ELL: variants seen among roughly 807,000 people sequenced by gnomAD.
ELL encodes the protein elongation factor for RNA polymerase II.
Under a neutral mutation model 64.0 loss-of-function variants are expected in ELL, and 18 were observed. That is an observed-to-expected ratio of 0.28 (90% confidence interval 0.19 to 0.42). The LOEUF (loss-of-function observed/expected upper bound fraction) is 0.42, where lower values mean the gene tolerates loss of function less well. Among genes scored for constraint, ELL ranks in the 10% least tolerant of loss-of-function variants. The pLI is 1.00. For synonymous variants in ELL, 399 were observed against 376.2 expected, an observed-to-expected ratio of 1.06 and a Z score of -0.70; for missense variants, 797 against 870.4, an observed-to-expected ratio of 0.92 and a Z score of 1.06.
chr19:18,493,824 ACTC>A (rs1379219147), intron 1 of ELL, among the ~76,000 whole-genome samples: 4 of 151,990 alleles, frequency 2.6e-5, no homozygotes, highest in African/African-American at 9.7e-5. Flanking sequence ...GTCACTGACC[ACTC>A]CTCATAGCTC....
intron 1 of ELL, among the ~76,000 whole-genome samples, chr19:18,473,678 G>T (rs1308160351): frequency 6.6e-6 from 1 of 152,220 alleles, no homozygotes; most frequent in African/African-American, 2.4e-5. Flanking sequence ...CGAGCCAGAG[G>T]AGGACTGCAC....
chr19:18,516,153 T>G (rs1976122781), intron 1 of ELL, among the ~76,000 whole-genome samples: 1 of 151,846 alleles, frequency 6.6e-6, no homozygotes, highest in Non-Finnish European at 1.5e-5. Context: ...CAGGCTGAAG[T>G]AAGGCTCCTC....
At chr19:18,487,254 G>C (rs971070941) in intron 1 of ELL, among the ~76,000 whole-genome samples, 4 of 152,216 alleles carry the variant, frequency 2.6e-5, no homozygotes, top group African/African-American at 9.7e-5. Context: ...AACCACCCCA[G>C]AGAGTAGGGT....
chr19:18,513,025 T>C (rs1201426040), intron 1 of ELL, among the ~76,000 whole-genome samples: 4 of 152,100 alleles, frequency 2.6e-5, no homozygotes, highest in Non-Finnish European at 5.9e-5. Context: ...GTGTTAACAG[T>C]AGGGTATATA....
chr19:18,473,590 T>C lies in ELL; in HGVS notation c.136-708A>G, dbSNP rs563949181. ...CAGTGGAATTTCCAAGGAAAAAATA[T>C]ACAAAAGAGCTCAAAATAAATACTG... On this transcript the variant is annotated intron_variant, in intron 1 of 11. Coordinates refer to ENST00000262809, the MANE Select transcript of ELL (RefSeq NM_006532.4). Among the ~76,000 whole-genome samples the C allele has an allele frequency of 1.2e-3, 179 of 152,240 alleles. 2 individuals carry two copies. The highest frequency in any genetic ancestry group is 4.1e-3 in the African/African-American group (169 of 41,536).
At chr19:18,492,810 G>A (rs552363504) in intron 1 of ELL, among the ~76,000 whole-genome samples, 81 of 152,264 alleles carry the variant, frequency 5.3e-4, no homozygotes, top group African/African-American at 1.9e-3. Flanking sequence ...TGCCCTCTAA[G>A]CGGCATGGCC....
intron 1 of ELL, among the ~76,000 whole-genome samples, chr19:18,485,997 A>G (rs2144948107): frequency 6.6e-6 from 1 of 151,730 alleles, no homozygotes; most frequent in Admixed American, 6.6e-5. Flanking sequence ...AAAAAAAAAA[A>G]AAGAAAGCAA....
Position 18,446,775 on chromosome 19 carries a change from G to T in ELL, c.1505C>A (p.Ser502Tyr). 2 of 1,614,080 alleles carry T rather than the reference G, an allele frequency of 1.2e-6. No individual in the cohort carries two copies. Among genetic ancestry groups the T allele is most frequent in the Non-Finnish European group, 1.7e-6 (2 of 1,180,028 alleles). ...CAAGTAGTCAGGCGTCTCCGACGTG[G>T]ACGTGGGAACACTGGAAACGCTGCA... ...GTCSVSSVPT[S>Y]TSETPDYLLK... The change falls in exon 9 of 12, where the codon TCC becomes TAC. Residue 502 changes from serine (S) to tyrosine (Y), a missense_variant. Physicochemically the swap from Ser to Tyr is moderately radical, Grantham distance 144. Coordinates refer to ENST00000262809, the MANE Select transcript of ELL (RefSeq NM_006532.4).
chr19:18,461,989 C>G (rs572966459), intron 4 of ELL, 137 bp from the exon 5 acceptor site: 17 of 1,185,224 alleles, frequency 1.4e-5, no homozygotes, highest in Non-Finnish European at 2.0e-5. Flanking sequence ...CAGCAAAAGC[C>G]AGCTTGCTCC....
chr19:18,473,138 A>G, intron 1 of ELL: 1 of 675,120 alleles, frequency 1.5e-6, no homozygotes, highest in Non-Finnish European at 2.7e-6. Context: ...CTCCAGACAC[A>G]GGCAACAGGC....
intron 4 of ELL, among the ~76,000 whole-genome samples, chr19:18,463,554 C>T (rs945195924): frequency 2.6e-5 from 4 of 152,036 alleles, no homozygotes; most frequent in African/African-American, 4.8e-5. Flanking sequence ...AGGCTGGTCT[C>T]GAACTCCTGA....
At chr19:18,467,172 G>A (rs952803824) in intron 2 of ELL, among the ~76,000 whole-genome samples, 1 of 152,154 alleles carries the variant, frequency 6.6e-6, no homozygotes, top group Admixed American at 6.5e-5. Flanking sequence ...CCTGGGTTCG[G>A]CCACTTGGGG....
intron 1 of ELL, among the ~76,000 whole-genome samples, chr19:18,497,534 G>A (rs1267484231): frequency 3.9e-5 from 6 of 152,104 alleles, no homozygotes; most frequent in Admixed American, 2.0e-4. Flanking sequence ...TGATAAAGAC[G>A]TCAGGCTGGG....
At chr19:18,479,039 G>T (rs1379219528) in intron 1 of ELL, among the ~76,000 whole-genome samples, 7 of 152,228 alleles carry the variant, frequency 4.6e-5, no homozygotes, top group South Asian at 2.1e-4. Context: ...GAGCACTTCC[G>T]GGGATGAAGC....
At chr19:18,483,541 T>C (rs1234665574) in intron 1 of ELL, among the ~76,000 whole-genome samples, 4 of 152,068 alleles carry the variant, frequency 2.6e-5, no homozygotes, top group African/African-American at 9.7e-5. Flanking sequence ...CCCACTCTCA[T>C]CCTAAACTGC....
rs1414947425 is a variant in ELL at position 18,501,854 on chromosome 19, G to A, written c.135+20067C>T. ...GTCTGCGGGTGGGCAGGAAGGAGGG[G>A]AGGCAGCATGGGCACCAGTGACCAG... On this transcript the variant is annotated intron_variant, in intron 1 of 11. Coordinates refer to ENST00000262809, the MANE Select transcript of ELL (RefSeq NM_006532.4). This position sits in a 1 kb window ranked among gnomAD's most constrained non-coding sequence, Gnocchi z 4.5. 1.3e-5 allele frequency among the ~76,000 whole-genome samples: 2 copies of A among 152,212 alleles called. No homozygotes were observed. The highest frequency in any genetic ancestry group is 4.8e-5 in the African/African-American group (2 of 41,444).
chr19:18,457,806 C>CT (rs112346586), intron 6 of ELL, among the ~76,000 whole-genome samples: 2,087 of 152,328 alleles, frequency 0.014, 20 homozygotes, highest in African/African-American at 0.031. Context: ...TTATTTCTCT[C>CT]TACTTCAGGT....
At chr19:18,463,761 G>A (rs1246651382) in intron 4 of ELL, among the ~76,000 whole-genome samples, 1 of 151,674 alleles carries the variant, frequency 6.6e-6, no homozygotes, top group South Asian at 2.1e-4. Flanking sequence ...GGCGGATTAC[G>A]AGGTCAGGAG....
chr19:18,476,764 A>G (rs1252743247), intron 1 of ELL, among the ~76,000 whole-genome samples: 1 of 152,132 alleles, frequency 6.6e-6, no homozygotes, highest in East Asian at 1.9e-4. Context: ...CTCACACTGT[A>G]TCCCCACCCT....
Sources: gnomAD v4.1 joint callset for allele counts (sites outside exome capture counted in the v4.1 genomes callset) on GRCh38, gnomAD v4.1.1 for gene constraint, Gnocchi (gnomAD v3.1) non-coding constraint, MANE v1.5 for transcripts, NCBI Gene and HGNC (gene_info 2026-07-23, HGNC 2026-07-21) for gene names.